Variants in UBR4 observed in about 807,000 individuals in gnomAD.
UBR4 encodes ubiquitin protein ligase E3 component n-recognin 4.
A neutral mutation model predicts 575.6 loss-of-function variants in UBR4; 124 were observed. The ratio of observed to expected loss-of-function variants is 0.22; its 90% CI spans 0.19 to 0.25. UBR4 has a LOEUF of 0.25. Ranked by LOEUF, UBR4 falls within the 10% of genes least tolerant of loss-of-function variation. UBR4 has a pLI of 1.00. For synonymous variants in UBR4, 2,455 were observed against 2,473.7 expected (o/e 0.99, Z 0.22); for missense variants, 4,818 against 6,478.8 (o/e 0.74, Z 8.80).
chr1:19,110,051 TGG>T lies in UBR4; in HGVS notation c.12105+43_12105+44del. ...GCACACTGCCAGGGAATGAGGAGGGTGGCCGCCCTGCCCTTCCTTGTTAGACC... is the reference window on the plus strand; with the variant it reads ...GCACACTGCCAGGGAATGAGGAGGGTCCGCCCTGCCCTTCCTTGTTAGACC... On this transcript the variant is annotated intron_variant, in intron 81 of 105. Coordinates refer to ENST00000375254, the MANE Select transcript of UBR4 (RefSeq NM_020765.3). This position sits in a 1 kb window ranked among gnomAD's most constrained non-coding sequence, Gnocchi z 4.5. 1 of 1,610,822 alleles carries T rather than the reference TGG, an allele frequency of 6.2e-7. No individual in the cohort carries two copies. The highest frequency in any genetic ancestry group is 8.5e-7 in the Non-Finnish European group (1 of 1,178,896).
At position 19,155,498 on chromosome 1, in the gene UBR4, G is replaced by A; in HGVS notation, c.6243C>T (p.Ala2081=). The A allele has an allele frequency of 1.2e-6, 2 of 1,614,088 alleles. No individual in the cohort carries two copies. Among genetic ancestry groups the A allele is most frequent in the Non-Finnish European group, 1.7e-6 (2 of 1,179,994 alleles). ...YTQLMEEASS[A]QQGPFYVTNV... Reference sequence around the variant, plus strand: ...TAGTGACATAGAAGGGTCCCTGCTGGGCACTGCTGGCCTCTTCCATAAGCT... The same window carrying A: ...TAGTGACATAGAAGGGTCCCTGCTGAGCACTGCTGGCCTCTTCCATAAGCT... Residue 2081 remains alanine (A), a synonymous_variant, in exon 43 of 106, where the codon GCC becomes GCT. Transcript: ENST00000375254.
At chr1:19,151,562 T>C in intron 48 of UBR4, 81 bp downstream of exon 48, 1 of 1,441,024 alleles carries the variant, frequency 6.9e-7, no homozygotes, top group South Asian at 1.1e-5. Context: ...GATCCCAGAA[T>C]GTTGGACAGC....
At position 19,151,667 on chromosome 1, in the gene UBR4, C is replaced by T. The variant is rs2085740196; in HGVS notation, c.7189G>A (p.Ala2397Thr). 1 of 1,614,150 alleles carries T rather than the reference C, an allele frequency of 6.2e-7. No individual in the cohort carries two copies. The highest frequency in any genetic ancestry group is 1.1e-5 in the South Asian group (1 of 91,078). Residue 2397 changes from alanine to threonine, a missense_variant, in exon 48 of 106, where the codon GCT becomes ACT. By Grantham distance (58) the Ala-to-Thr change is moderately conservative (BLOSUM62 0). Around this residue, in one of 29 missense-constraint regions of UBR4, gnomAD observed 340 missense variants for 375.4 expected, o/e 0.91. Coordinates refer to ENST00000375254, the MANE Select transcript of UBR4 (RefSeq NM_020765.3). ...FPFTREEALQ[A>T]DKKLNLFIGA... is the part of the protein sequence containing the mutation. The stretch of plus-strand genomic sequence containing the variant: ...CTGAAGAGGTTCAGCTTCTTATCAG[C>T]CTGCAGGGCTTCTTCTCTGGTGAAG...
rs2087097982 is a variant in UBR4 at position 19,160,151 on chromosome 1, T to C, written c.5537A>G (p.His1846Arg). 6.2e-7 allele frequency: 1 copy of C among 1,613,844 alleles called. No individual in the cohort carries two copies. Among genetic ancestry groups the C allele is most frequent in the African/African-American group, 1.3e-5 (1 of 74,854 alleles). Residue 1846 changes from histidine to arginine, a missense_variant, in exon 39 of 106, where the codon CAC (histidine) becomes CGC (arginine). By Grantham distance (29) the His-to-Arg change is conservative. This residue lies in a region of UBR4 where 159 missense variants were observed against 174.6 expected (regional missense o/e 0.91). Coordinates refer to ENST00000375254, the MANE Select transcript of UBR4 (RefSeq NM_020765.3). Reference protein sequence around the residue: ...SRAQQALSELHTVEKAVEMTD... With the variant: ...SRAQQALSELRTVEKAVEMTD... ...CATCTCCACTGCCTTCTCCACAGTG[T>C]GTAGCTCACTGAGGGCTTGCTGAGC...
At position 19,106,590 on chromosome 1, in the gene UBR4, C is replaced by T. The variant is rs775415609; in HGVS notation, c.12372G>A (p.Gly4124=). ...KRTSPLDLKL[G]HNNWLRQVLF... ...TCACTTGTCGCAGCCAGTTGTTATG[C>T]CCCAGTTTGAGATCCAAGGGGGAGG... The change falls in exon 83 of 106, where the codon GGG becomes GGA. Residue 4124 remains glycine (G), a synonymous_variant. Coordinates refer to ENST00000375254, the MANE Select transcript of UBR4 (RefSeq NM_020765.3). 4.4e-6 allele frequency: 7 copies of T among 1,578,844 alleles called. No individual in the cohort carries two copies. Among genetic ancestry groups the T allele is most frequent in the Non-Finnish European group, 6.0e-6 (7 of 1,164,008 alleles).
chr1:19,189,755 T>C (rs2091893785), intron 11 of UBR4, among the ~76,000 whole-genome samples: 1 of 152,194 alleles, frequency 6.6e-6, no homozygotes, highest in Non-Finnish European at 1.5e-5. Context: ...CTTCTAAGGA[T>C]ATACTTCTTG....
intron 39 of UBR4, among the ~76,000 whole-genome samples, chr1:19,158,336 C>T (rs933658796): frequency 2.0e-5 from 3 of 152,098 alleles, no homozygotes; most frequent in Non-Finnish European, 4.4e-5. Context: ...CTTTATGGGC[C>T]CCCAACCCAA....
At chr1:19,119,497 T>A in intron 70 of UBR4, 60 bp downstream of exon 70, 1 of 1,579,158 alleles carries the variant, frequency 6.3e-7, no homozygotes, top group East Asian at 2.3e-5. Context: ...TATTCTTAAC[T>A]CAAGAGAAAA....
At chr1:19,087,986 T>G (rs2077179479) in intron 98 of UBR4, 57 bp from the exon 99 acceptor site, 2 of 1,388,082 alleles carry the variant, frequency 1.4e-6, no homozygotes, top group Non-Finnish European at 1.0e-6. Flanking sequence ...TCTCCCACCC[T>G]AGCTTGGAGA....
chr1:19,104,252 G>C lies in UBR4; in HGVS notation c.12733C>G (p.Leu4245Val). 2 of 1,614,226 alleles carry C rather than the reference G, an allele frequency of 1.2e-6. No homozygotes were observed. Among genetic ancestry groups the C allele is most frequent in the Non-Finnish European group, 1.7e-6 (2 of 1,180,020 alleles). Residue 4245 changes from leucine to valine, a missense_variant, in exon 87 of 106, where the codon CTC becomes GTC. Leu to Val is a conservative substitution (Grantham distance 32, BLOSUM62 1). This residue lies in a region of UBR4 where 105 missense variants were observed against 232.8 expected (regional missense o/e 0.45). Coordinates refer to ENST00000375254, the MANE Select transcript of UBR4 (RefSeq NM_020765.3). ...GATTCCACCTCAACAAAGGAGGAGA[G>C]AAGGCCTGTGGAGACAGGAAAATGT... ...GYALKSLTGL[L>V]SSFVEVESIK...
chr1:19,146,194 C>A, intron 52 of UBR4: 1 of 1,132,456 alleles, frequency 8.8e-7, no homozygotes. Flanking sequence ...ATTCAAAGAT[C>A]TCAGTTCCAA....
chr1:19,080,437 A>G (rs2076373449), intron 103 of UBR4: 1 of 152,116 alleles, frequency 6.6e-6, no homozygotes, highest in Admixed American at 6.5e-5. Flanking sequence ...GGCACAGGCT[A>G]TTTTCCACTT....
At chr1:19,181,969 T>C (rs2151163286) in intron 17 of UBR4, among the ~76,000 whole-genome samples, 1 of 152,226 alleles carries the variant, frequency 6.6e-6, no homozygotes, top group Admixed American at 6.5e-5. Flanking sequence ...CATTTTCCCA[T>C]CTCCCTGCCC....
In UBR4 at chr1:19,192,611, CCAAA is replaced by C. The variant is rs2092173375; in HGVS notation, c.1144-75_1144-72del. The C allele has an allele frequency of 1.9e-6, 3 of 1,545,204 alleles. No homozygotes were observed. The Admixed American group carries it at 5.2e-5, about 27-fold the overall frequency. ...TTTCATCATAAATGCTAAATCCTAC[CCAAA>C]CAATTTAACTTGAAGAGTTCAATAT... On this transcript the variant is annotated intron_variant, in intron 9 of 105. Coordinates refer to ENST00000375254, the MANE Select transcript of UBR4 (RefSeq NM_020765.3).
At chr1:19,114,347 TTC>T (rs2080237176) in intron 75 of UBR4, among the ~76,000 whole-genome samples, 2 of 152,212 alleles carry the variant, frequency 1.3e-5, no homozygotes, top group African/African-American at 2.4e-5. Flanking sequence ...GAATTAGAAT[TTC>T]TGTCCTTCTG....
chr1:19,168,909 C>A (rs191457752), intron 27 of UBR4, among the ~76,000 whole-genome samples: 3 of 148,016 alleles, frequency 2.0e-5, no homozygotes, highest in Non-Finnish European at 4.4e-5. Context: ...ACCCGGGAGG[C>A]GGAGCTTGCA....
In UBR4 at chr1:19,156,413, A is replaced by C; in HGVS notation, c.5930T>G (p.Val1977Gly). The C allele has an allele frequency of 6.2e-7, 1 of 1,614,162 alleles. No homozygotes were observed. The highest frequency in any genetic ancestry group is 8.5e-7 in the Non-Finnish European group (1 of 1,180,004). ...LAVCGLKDCH[V>G]LTFSSSGSVS... ...AGAGCCTGAGCTACTAAAGGTGAGC[A>C]CATGACAGTCCTGGACAATGTTTAA... Residue 1977 changes from valine (V) to glycine (G), a missense_variant, in exon 42 of 106, where the codon GTG becomes GGG. Transcript: ENST00000375254.
chr1:19,119,726 T>C (rs376199419), intron 69 of UBR4, 25 bp from the exon 70 acceptor site: 5 of 1,588,972 alleles, frequency 3.1e-6, no homozygotes, highest in Non-Finnish European at 4.3e-6. Flanking sequence ...CAGCTCATGT[T>C]ACCAAGCAGC....
chr1:19,134,303 C>T (rs2082934459), intron 60 of UBR4, among the ~76,000 whole-genome samples: 1 of 151,706 alleles, frequency 6.6e-6, no homozygotes, highest in South Asian at 2.1e-4. Context: ...GGCATGGTGG[C>T]ATGTGCCTAG....
Sources: gnomAD v4.1 joint callset for allele counts (sites outside exome capture counted in the v4.1 genomes callset) on GRCh38, gnomAD v4.1.1 for gene constraint, gnomAD v4.1.1 regional missense constraint, Gnocchi (gnomAD v3.1) non-coding constraint, MANE v1.5 for transcripts, NCBI Gene and HGNC (gene_info 2026-07-23, HGNC 2026-07-21) for gene names.